Variants in CNTNAP2 observed in about 807,000 individuals in gnomAD.
The protein encoded by CNTNAP2 is contactin-associated protein-like 2.
CNTNAP2 carries 98 observed loss-of-function variants against 155.2 expected under a neutral mutation model. The observed-to-expected ratio is 0.63, with a 90% CI of 0.54 to 0.75. The LOEUF (loss-of-function observed/expected upper bound fraction) is 0.75, where lower values mean the gene tolerates loss of function less well. CNTNAP2 is among the 30% of genes least tolerant of loss of function. CNTNAP2 has a pLI of 0.00. For missense variants in CNTNAP2, 1,727 were observed against 1,688.1 expected (o/e 1.02, Z -0.40); for synonymous variants, 651 against 631.2 (o/e 1.03, Z -0.47).
At chr7:146,734,856 G>A (rs1481360728) in intron 1 of CNTNAP2, among the ~76,000 whole-genome samples, 1 of 152,110 alleles carries the variant, frequency 6.6e-6, no homozygotes, top group Non-Finnish European at 1.5e-5. Context: ...TGTCCAAACT[G>A]AGTTTTCCAA....
intron 11 of CNTNAP2, among the ~76,000 whole-genome samples, chr7:147,545,938 G>T (rs1312265902): frequency 6.6e-6 from 1 of 152,082 alleles, no homozygotes. Context: ...TTTATAAGGG[G>T]TTTCCCCTTT....
chr7:146,768,080 AG>A (rs1218179066), intron 1 of CNTNAP2, among the ~76,000 whole-genome samples: 13 of 152,144 alleles, frequency 8.5e-5, no homozygotes, highest in Non-Finnish European at 5.9e-5. Flanking sequence ...ATATTATTAA[AG>A]AAAAATGTGA....
chr7:148,333,108 G>C (rs1563047031), intron 21 of CNTNAP2, among the ~76,000 whole-genome samples: 1 of 152,070 alleles, frequency 6.6e-6, no homozygotes, highest in Non-Finnish European at 1.5e-5. Flanking sequence ...CCATCACAGG[G>C]ATGTTTATAC....
At chr7:146,364,966 T>C (rs2129101630) in intron 1 of CNTNAP2, among the ~76,000 whole-genome samples, 2 of 152,342 alleles carry the variant, frequency 1.3e-5, no homozygotes, top group South Asian at 4.1e-4. Context: ...TTTTTTCTTA[T>C]AAATGGTTGT....
intron 1 of CNTNAP2, among the ~76,000 whole-genome samples, chr7:146,759,681 C>CAAAAAAAAAAAAAAAAAAAAAAAAAAAA (rs376817827): frequency 3.7e-5 from 2 of 54,652 alleles, no homozygotes; most frequent in Admixed American, 3.2e-4. Flanking sequence ...GTGAGACTGT[C>CAAAAAAAAAAAAAAAAAAAAAAAAAAAA]AAAAAAAAAA....
intron 1 of CNTNAP2, among the ~76,000 whole-genome samples, chr7:146,467,626 G>T (rs546999237): frequency 6.6e-6 from 1 of 152,092 alleles, no homozygotes; most frequent in Admixed American, 6.5e-5. Flanking sequence ...TGATGGATAA[G>T]AATATATTTC....
intron 20 of CNTNAP2, among the ~76,000 whole-genome samples, chr7:148,236,206 A>G (rs1796038711): frequency 6.6e-6 from 1 of 152,020 alleles, no homozygotes; most frequent in Non-Finnish European, 1.5e-5. Flanking sequence ...TTACTCAATC[A>G]TTTGCCTCCA....
At chr7:147,979,178 T>C (rs1220098897) in intron 15 of CNTNAP2, among the ~76,000 whole-genome samples, 1 of 152,222 alleles carries the variant, frequency 6.6e-6, no homozygotes, top group Non-Finnish European at 1.5e-5. Flanking sequence ...GACTTTGTAC[T>C]GATTTTTCTC....
At chr7:146,620,912 G>A (rs1445330688) in intron 1 of CNTNAP2, among the ~76,000 whole-genome samples, 3 of 152,090 alleles carry the variant, frequency 2.0e-5, no homozygotes, top group Non-Finnish European at 4.4e-5. Flanking sequence ...CAAGAGAAGA[G>A]GAAATAAAGT....
At chr7:146,806,628 G>T (rs1480512523) in intron 2 of CNTNAP2, among the ~76,000 whole-genome samples, 1 of 152,146 alleles carries the variant, frequency 6.6e-6, no homozygotes, top group Non-Finnish European at 1.5e-5. Flanking sequence ...GCAGGAATGA[G>T]GAACCACTTC....
intron 1 of CNTNAP2, among the ~76,000 whole-genome samples, chr7:146,699,736 G>A (rs375468366): frequency 3.3e-5 from 5 of 152,122 alleles, no homozygotes; most frequent in Admixed American, 2.0e-4. Flanking sequence ...GGGAGGCCGA[G>A]GTGGGAGGAT....
At chr7:147,297,228 C>T (rs372642434) in intron 8 of CNTNAP2, among the ~76,000 whole-genome samples, 3 of 152,096 alleles carry the variant, frequency 2.0e-5, no homozygotes, top group African/African-American at 7.2e-5. Flanking sequence ...ATCTATGAAA[C>T]CTAGAGTGCC....
chr7:148,324,463 T>C (rs1032672439), intron 21 of CNTNAP2, among the ~76,000 whole-genome samples: 1 of 152,164 alleles, frequency 6.6e-6, no homozygotes, highest in Non-Finnish European at 1.5e-5. Context: ...ACCAAATTGT[T>C]TGTGGCCCTT....
At chr7:146,973,966 C>T (rs901899539) in intron 3 of CNTNAP2, among the ~76,000 whole-genome samples, 2 of 152,144 alleles carry the variant, frequency 1.3e-5, no homozygotes, top group African/African-American at 4.8e-5. Flanking sequence ...CCGCTTGATT[C>T]AAGGGTGTAC....
intron 14 of CNTNAP2, among the ~76,000 whole-genome samples, chr7:147,949,768 C>A (rs1800893670): frequency 6.6e-6 from 1 of 152,048 alleles, no homozygotes; most frequent in Admixed American, 6.6e-5. Flanking sequence ...GGCTGCAGGT[C>A]AGGAAACCCA....
intron 15 of CNTNAP2, among the ~76,000 whole-genome samples, chr7:148,108,012 C>G (rs78880350): frequency 3.3e-5 from 5 of 152,188 alleles, no homozygotes; most frequent in African/African-American, 1.2e-4. Flanking sequence ...AGTGCCTTCA[C>G]GCAGTCTTCT....
At chr7:146,643,359 G>C (rs1027929272) in intron 1 of CNTNAP2, among the ~76,000 whole-genome samples, 20 of 152,098 alleles carry the variant, frequency 1.3e-4, no homozygotes, top group African/African-American at 4.8e-4. Flanking sequence ...AAGGGATCCA[G>C]TTTCAGCTTT....
At chr7:147,170,615 A>C (rs1802207661) in intron 8 of CNTNAP2, among the ~76,000 whole-genome samples, 1 of 152,008 alleles carries the variant, frequency 6.6e-6, no homozygotes, top group Non-Finnish European at 1.5e-5. Flanking sequence ...TTCCGAGCAC[A>C]GGTACCAGCT....
At chr7:146,788,427 T>C (rs1437496628) in intron 2 of CNTNAP2, among the ~76,000 whole-genome samples, 3 of 152,228 alleles carry the variant, frequency 2.0e-5, no homozygotes, top group Admixed American at 1.3e-4. Flanking sequence ...TATGTTCTCA[T>C]AGGATCATAT....
Sources: gnomAD v4.1 joint callset for allele counts (sites outside exome capture counted in the v4.1 genomes callset) on GRCh38, gnomAD v4.1.1 for gene constraint, MANE v1.5 for transcripts, NCBI Gene and HGNC (gene_info 2026-07-23, HGNC 2026-07-21) for gene names.